The following NTN4 variants were observed in gnomAD, a reference collection of about 807,000 sequenced individuals.
NTN4 encodes the protein netrin-4.
Under a neutral mutation model 73.6 loss-of-function variants are expected in NTN4, and 32 were observed. That is an observed-to-expected ratio of 0.44 (90% confidence interval 0.33 to 0.58). The LOEUF is 0.58. NTN4 is among the 20% of genes least tolerant of loss of function. The pLI, the probability that NTN4 is intolerant of heterozygous loss-of-function variation, is 0.04. For synonymous variants in NTN4, 258 were observed against 287.5 expected, an observed-to-expected ratio of 0.90 and a Z score of 1.04; for missense variants, 654 against 798.3, an observed-to-expected ratio of 0.82 and a Z score of 2.18.
At chr12:95,748,230 CAA>C (rs769213172) in intron 2 of NTN4, among the ~76,000 whole-genome samples, 2 of 76,574 alleles carry the variant, frequency 2.6e-5, no homozygotes, top group Admixed American at 1.5e-4. Context: ...GACTCTGTCT[CAA>C]AAAAAAAAAA....
rs1174318245 is a variant in NTN4, at chr12:95,741,427, TTATATATATATATATATATATA to T, written c.586-3305_586-3284del. ...ACCTATAATGTAAATTATGTATAAA[TTATATATATATATATATATATA>T]TATATATATATATATATATATATAT... On this transcript the variant is annotated intron_variant, in intron 2 of 9. Transcript: ENST00000343702. Among the ~76,000 whole-genome samples, 26 of 51,042 alleles carry T rather than the reference TTATATATATATATATATATATA, an allele frequency of 5.1e-4. 2 individuals carry two copies. The highest frequency in any genetic ancestry group is 4.5e-3 in the East Asian group (5 of 1,120). The allele number at this position is 51,042 out of a possible 152,430, so 33.5% of individuals were successfully genotyped here.
intron 2 of NTN4, among the ~76,000 whole-genome samples, chr12:95,784,655 T>C (rs2079155091): frequency 6.6e-6 from 1 of 151,738 alleles, no homozygotes; most frequent in African/African-American, 2.4e-5. Context: ...TAATCCCAGG[T>C]ACTCAGGAGG....
At position 95,787,202 on chromosome 12, in the gene NTN4, A is replaced by G. The variant is rs749505134; in HGVS notation, c.322T>C (p.Ser108Pro). The change falls in exon 2 of 10, where the codon TCT becomes CCT. Residue 108 changes from serine (S) to proline (P), a missense_variant. Transcript: ENST00000343702. ...TTTTCTCTGTGCACATCCTCCGCAG[A>G]CTGCCACCATGTGCGAGGAAACCGG... is the stretch of plus-strand genomic sequence containing the variant. ...SFRFPRTWWQ[S>P]AEDVHREKIQ... 15 of 1,614,118 alleles carry G rather than the reference A, an allele frequency of 9.3e-6. No individual in the cohort carries two copies. The highest frequency in any genetic ancestry group is 1.2e-5 in the Non-Finnish European group (14 of 1,180,058).
At chr12:95,721,636 G>A (rs994272429) in intron 3 of NTN4, among the ~76,000 whole-genome samples, 1 of 152,130 alleles carries the variant, frequency 6.6e-6, no homozygotes, top group Non-Finnish European at 1.5e-5. Flanking sequence ...ATCCCTATTA[G>A]ATACGATCTG....
At position 95,790,293 on chromosome 12, in the gene NTN4, C is replaced by T; in HGVS notation, c.17G>A (p.Arg6Gln). MGSCARLLLLWGCTVV... is the reference protein window; with the variant it reads MGSCAQLLLLWGCTVV... ...CGTGCAGCCCCAGAGCAGCAGCAGC[C>T]GCGCGCAGCTCCCCATGGCCGGGAG... The change falls in exon 1 of 10, where the codon CGG becomes CAG. Residue 6 changes from arginine (R) to glutamine (Q), a missense_variant. Coordinates refer to ENST00000343702, the MANE Select transcript of NTN4 (RefSeq NM_021229.4). The surrounding 1 kb of genome is among the most constrained non-coding windows in gnomAD (Gnocchi z 6.5). 1.3e-6 allele frequency: 2 copies of T among 1,532,976 alleles called. No individual in the cohort carries two copies. Among genetic ancestry groups the T allele is most frequent in the Non-Finnish European group, 1.8e-6 (2 of 1,140,296 alleles). The allele number at this position is 1,532,976 out of a possible 1,614,324, so 95.0% of individuals were successfully genotyped here. A position where few individuals can be genotyped will look rare whatever the true frequency, so the allele number is the denominator to read the frequency against.
intron 7 of NTN4, among the ~76,000 whole-genome samples, chr12:95,676,412 T>TA (rs201313140): frequency 0.034 from 4,900 of 144,764 alleles, 223 homozygotes; most frequent in East Asian, 0.24. Context: ...CAGCCCCGGG[T>TA]AAAAAAAAAA....
intron 3 of NTN4, among the ~76,000 whole-genome samples, chr12:95,723,343 T>C (rs1158181008): frequency 6.6e-6 from 1 of 151,924 alleles, no homozygotes; most frequent in Non-Finnish European, 1.5e-5. Context: ...TCGCTAGGTT[T>C]TCTTGGCCTT....
At chr12:95,761,326 C>CTTTTTTTTTTTTTTTTTTTTTTTTTTT in intron 2 of NTN4, among the ~76,000 whole-genome samples, 1 of 133,168 alleles carries the variant, frequency 7.5e-6, no homozygotes, top group African/African-American at 2.8e-5. Context: ...AAGAGATATT[C>CTTTTTTTTTTTTTTTTTTTTTTTTTTT]TTTTTTTTTT....
At position 95,775,298 on chromosome 12, in the gene NTN4, C is replaced by T. The variant is rs534204262; in HGVS notation, c.585+11641G>A. 7.9e-5 allele frequency among the ~76,000 whole-genome samples: 12 copies of T among 152,274 alleles called. No individual in the cohort carries two copies. The South Asian group carries it at 8.3e-4, about 11-fold the overall frequency. ...ATTTCTGCATTTCCAACTGAGGTAC[C>T]GGGTTCATCTCACTGGGGCTTGTTG... is the stretch of plus-strand genomic sequence containing the variant. On this transcript the variant is annotated intron_variant, in intron 2 of 9. Transcript: ENST00000343702.
chr12:95,776,077 C>A (rs1369373758), intron 2 of NTN4, among the ~76,000 whole-genome samples: 1 of 152,200 alleles, frequency 6.6e-6, no homozygotes, highest in African/African-American at 2.4e-5. Flanking sequence ...CCAGCAAACT[C>A]CAACAGACCT....
At chr12:95,732,824 G>A (rs1239500030) in intron 3 of NTN4, among the ~76,000 whole-genome samples, 4 of 152,252 alleles carry the variant, frequency 2.6e-5, no homozygotes, top group African/African-American at 9.6e-5. Context: ...CATGACATAT[G>A]ATATATGAAA....
intron 2 of NTN4, among the ~76,000 whole-genome samples, chr12:95,764,601 G>T (rs371555686): frequency 6.6e-6 from 1 of 151,258 alleles, no homozygotes; most frequent in African/African-American, 2.4e-5. Flanking sequence ...GGAGGCGGAG[G>T]TTGCAGTGAG....
At chr12:95,682,056 G>GTTTTTTTTT (rs1349857597) in intron 7 of NTN4, among the ~76,000 whole-genome samples, 28 of 37,948 alleles carry the variant, frequency 7.4e-4, no homozygotes, top group African/African-American at 1.4e-3. Flanking sequence ...TATTCAGTAG[G>GTTTTTTTTT]CTTTTTTTTT....
chr12:95,684,698 A>G (rs2078348140), intron 5 of NTN4, among the ~76,000 whole-genome samples: 1 of 152,130 alleles, frequency 6.6e-6, no homozygotes, highest in African/African-American at 2.4e-5. Context: ...AACCTGCAGC[A>G]GTTTCTTTGT....
intron 2 of NTN4, among the ~76,000 whole-genome samples, chr12:95,754,881 G>A (rs1490052309): frequency 6.6e-6 from 1 of 152,174 alleles, no homozygotes; most frequent in African/African-American, 2.4e-5. Context: ...TCACATGGAC[G>A]CGCATGAAAG....
intron 7 of NTN4, chr12:95,672,771 G>C (rs2078243322): frequency 7.5e-7 from 1 of 1,332,082 alleles, no homozygotes; most frequent in African/African-American, 1.4e-5. Flanking sequence ...GTGAGAGTCT[G>C]AAGGACACTA....
At chr12:95,740,319 G>C (rs1481587241) in intron 2 of NTN4, among the ~76,000 whole-genome samples, 2 of 152,190 alleles carry the variant, frequency 1.3e-5, no homozygotes, top group Non-Finnish European at 2.9e-5. Context: ...TATGGCATGA[G>C]TGAAATGAAG....
intron 2 of NTN4, among the ~76,000 whole-genome samples, chr12:95,744,068 AT>A (rs1254067534): frequency 6.6e-6 from 1 of 152,082 alleles, no homozygotes; most frequent in Non-Finnish European, 1.5e-5. Context: ...CGCCCGGCTA[AT>A]TTTTGCATTT....
At chr12:95,751,208 G>A (rs1174222774) in intron 2 of NTN4, among the ~76,000 whole-genome samples, 89 of 149,312 alleles carry the variant, frequency 6.0e-4, no homozygotes, top group African/African-American at 1.9e-3. Flanking sequence ...AATTAACCTC[G>A]CCTTCAAGGT....
Sources: gnomAD v4.1 joint callset for allele counts (sites outside exome capture counted in the v4.1 genomes callset) on GRCh38, gnomAD v4.1.1 for gene constraint, Gnocchi (gnomAD v3.1) non-coding constraint, MANE v1.5 for transcripts, NCBI Gene and HGNC (gene_info 2026-07-23, HGNC 2026-07-21) for gene names.